FRAS1: variants seen among roughly 807,000 people sequenced by gnomAD.
FRAS1 encodes Fraser extracellular matrix complex subunit 1.
A neutral mutation model predicts 435.2 loss-of-function variants in FRAS1; 290 were observed. That is an observed-to-expected ratio of 0.67 (90% confidence interval 0.61 to 0.73). The LOEUF (loss-of-function observed/expected upper bound fraction) is 0.73. Ranked by LOEUF, FRAS1 falls within the 30% of genes least tolerant of loss-of-function variation. The pLI, the probability that FRAS1 is intolerant of heterozygous loss-of-function variation, is 0.00. For synonymous variants in FRAS1, 1,800 were observed against 1,851.0 expected, an observed-to-expected ratio of 0.97 and a Z score of 0.71; for missense variants, 4,860 against 5,001.5, an observed-to-expected ratio of 0.97 and a Z score of 0.85.
At chr4:78,464,829 A>G (rs1250122697) in intron 49 of FRAS1, among the ~76,000 whole-genome samples, 1 of 152,246 alleles carries the variant, frequency 6.6e-6, no homozygotes, top group Non-Finnish European at 1.5e-5. Flanking sequence ...CCTTGAGTAC[A>G]TGTAACAATA....
At chr4:78,424,352 T>C in intron 34 of FRAS1, 36 bp from the exon 35 acceptor site, 3 of 1,248,346 alleles carry the variant, frequency 2.4e-6, no homozygotes, top group Non-Finnish European at 3.3e-6. Flanking sequence ...GATCCCAAAG[T>C]GTTTAATATA....
intron 58 of FRAS1, among the ~76,000 whole-genome samples, chr4:78,486,224 T>A (rs1406265243): frequency 6.6e-6 from 1 of 152,216 alleles, no homozygotes; most frequent in Non-Finnish European, 1.5e-5. Context: ...TTCCAGGCAC[T>A]GGCGTTTACA....
intron 43 of FRAS1, 93 bp from the exon 44 acceptor site, chr4:78,447,960 A>T: frequency 8.4e-7 from 1 of 1,196,982 alleles, no homozygotes; most frequent in Non-Finnish European, 1.2e-6. Context: ...TTCTACCCAG[A>T]CTCATACTAC....
intron 2 of FRAS1, among the ~76,000 whole-genome samples, chr4:78,160,497 T>C (rs1042886715): frequency 1.1e-4 from 16 of 152,198 alleles, no homozygotes; most frequent in African/African-American, 3.6e-4. Context: ...TTTTGCTCAT[T>C]GGATGGGGCA....
chr4:78,376,845 G>A (rs1211066109), intron 26 of FRAS1, among the ~76,000 whole-genome samples: 1 of 152,010 alleles, frequency 6.6e-6, no homozygotes, highest in Non-Finnish European at 1.5e-5. Flanking sequence ...ACAAAAATTA[G>A]CCAGGCACAG....
chr4:78,429,466 G>A (rs945989065), intron 36 of FRAS1, among the ~76,000 whole-genome samples: 3 of 152,120 alleles, frequency 2.0e-5, no homozygotes, highest in Non-Finnish European at 4.4e-5. Context: ...CTGATTTTCC[G>A]GGAGTTTGCT....
At chr4:78,290,707 C>T (rs1338845546) in intron 14 of FRAS1, among the ~76,000 whole-genome samples, 5 of 151,912 alleles carry the variant, frequency 3.3e-5, no homozygotes, top group African/African-American at 7.3e-5. Context: ...GCCTTGGCCT[C>T]CCAAAGTGCT....
At chr4:78,402,799 C>T (rs1732944335) in intron 30 of FRAS1, among the ~76,000 whole-genome samples, 2 of 152,182 alleles carry the variant, frequency 1.3e-5, no homozygotes, top group Non-Finnish European at 1.5e-5. Flanking sequence ...ACACACACTT[C>T]CTCCGTCTTT....
chr4:78,304,173 T>C (rs2110212473), intron 14 of FRAS1, among the ~76,000 whole-genome samples: 1 of 151,424 alleles, frequency 6.6e-6, no homozygotes. Context: ...GATTTGCTTA[T>C]ATTGAACCAG....
chr4:78,342,448 C>T (rs1450744202), intron 20 of FRAS1, among the ~76,000 whole-genome samples: 2 of 152,066 alleles, frequency 1.3e-5, no homozygotes, highest in African/African-American at 4.8e-5. Context: ...AGGTTTTCAA[C>T]AAAGATAAAT....
chr4:78,257,347 A>T (rs1367002936), intron 6 of FRAS1, among the ~76,000 whole-genome samples: 1 of 152,146 alleles, frequency 6.6e-6, no homozygotes, highest in South Asian at 2.1e-4. Flanking sequence ...CAAGGCCATG[A>T]TTACTTTTGC....
At chr4:78,058,696 T>G (rs1207439554) in intron 1 of FRAS1, among the ~76,000 whole-genome samples, 1 of 152,164 alleles carries the variant, frequency 6.6e-6, no homozygotes, top group Admixed American at 6.5e-5. Context: ...AATAAGAGTT[T>G]AGGTTCATTC....
intron 28 of FRAS1, among the ~76,000 whole-genome samples, chr4:78,385,683 G>A (rs569060746): frequency 2.6e-5 from 4 of 152,138 alleles, no homozygotes; most frequent in East Asian, 1.9e-4. Flanking sequence ...TCAGAAGTTC[G>A]AGACCAGCCT....
chr4:78,300,424 G>A (rs1194245601), intron 14 of FRAS1, among the ~76,000 whole-genome samples: 1 of 152,060 alleles, frequency 6.6e-6, no homozygotes, highest in Non-Finnish European at 1.5e-5. Context: ...ATAGAAATGG[G>A]CCCTGCCCTC....
chr4:78,467,825 T>A (rs1438220711), intron 50 of FRAS1, among the ~76,000 whole-genome samples: 1 of 152,250 alleles, frequency 6.6e-6, no homozygotes, highest in Non-Finnish European at 1.5e-5. Context: ...TGATGATCAG[T>A]GATATTGAGC....
chr4:78,448,841 T>G (rs960220862), intron 44 of FRAS1, among the ~76,000 whole-genome samples: 1 of 152,208 alleles, frequency 6.6e-6, no homozygotes, highest in South Asian at 2.1e-4. Flanking sequence ...TAAGCAACAT[T>G]GGAGGACCTG....
chr4:78,450,474 C>A, intron 45 of FRAS1, 135 bp downstream of exon 45: 1 of 685,590 alleles, frequency 1.5e-6, no homozygotes, highest in Non-Finnish European at 2.5e-6. Flanking sequence ...TGTTCTCTTC[C>A]TTGTTTTCTT....
chr4:78,523,016 A>T (rs1426695911), intron 69 of FRAS1, among the ~76,000 whole-genome samples: 1 of 152,184 alleles, frequency 6.6e-6, no homozygotes, highest in Non-Finnish European at 1.5e-5. Context: ...GCGAAGCTGC[A>T]GTTAGCCATG....
At chr4:78,316,516 C>T (rs1729262361) in intron 16 of FRAS1, among the ~76,000 whole-genome samples, 1 of 152,060 alleles carries the variant, frequency 6.6e-6, no homozygotes, top group African/African-American at 2.4e-5. Flanking sequence ...CCCACGTTCT[C>T]ATCCCATCTC....
Sources: allele counts gnomAD v4.1 joint callset (sites outside exome capture counted in the v4.1 genomes callset), GRCh38; gene constraint gnomAD v4.1.1; transcripts MANE v1.5; gene names NCBI Gene and HGNC (gene_info 2026-07-23, HGNC 2026-07-21).